The following METTL14 variants were observed in gnomAD, a reference collection of about 807,000 sequenced individuals.
METTL14 encodes methyltransferase 14, N6-adenosine-methyltransferase non-catalytic subunit.
METTL14 carries 32 observed loss-of-function variants against 62.4 expected under a neutral mutation model. The observed-to-expected ratio is 0.51, with a 90% confidence interval of 0.39 to 0.69. The LOEUF (loss-of-function observed/expected upper bound fraction) is 0.69, where lower values mean the gene tolerates loss of function less well. Among genes scored for constraint, METTL14 ranks in the 30% least tolerant of loss-of-function variants. The pLI is 0.00. For missense variants in METTL14, 340 were observed against 551.9 expected, an observed-to-expected ratio of 0.62 and a Z score of 3.85; for synonymous variants, 150 against 180.0, an observed-to-expected ratio of 0.83 and a Z score of 1.34.
intron 2 of METTL14, among the ~76,000 whole-genome samples, chr4:118,688,618 C>T (rs1006822943): frequency 5.9e-5 from 9 of 152,110 alleles, no homozygotes; most frequent in African/African-American, 1.9e-4. Context: ...TTGTAAAGTA[C>T]TTAGAAAATG....
chr4:118,697,149 A>C, intron 6 of METTL14, 33 bp from the exon 7 acceptor site: 1 of 1,533,906 alleles, frequency 6.5e-7, no homozygotes, highest in East Asian at 2.3e-5. Flanking sequence ...GCATTTTTTT[A>C]AAAACCTCAT....
intron 7 of METTL14, among the ~76,000 whole-genome samples, chr4:118,699,834 T>C (rs1004244620): frequency 3.9e-5 from 6 of 152,194 alleles, no homozygotes; most frequent in Non-Finnish European, 8.8e-5. Context: ...CTAAGTTCTT[T>C]AACTTTTATG....
chr4:118,688,121 G>T, intron 2 of METTL14, 110 bp downstream of exon 2: 1 of 841,670 alleles, frequency 1.2e-6, no homozygotes, highest in South Asian at 1.8e-5. Context: ...CTGCAGCCTT[G>T]ACTCCTGGGC....
chr4:118,697,211 A>T lies in METTL14; in HGVS notation c.533A>T (p.Asp178Val). The T allele has an allele frequency of 6.2e-7, 1 of 1,610,686 alleles. No homozygotes were observed. The highest frequency in any genetic ancestry group is 8.5e-7 in the Non-Finnish European group (1 of 1,178,732). ...MYLQADIEAF[D>V]IRELTPKFDV... ...TTACAAGCCGATATAGAAGCCTTTG[A>T]CATCAGAGAACTAACACCCAAATTT... The change falls in exon 7 of 11, where the codon GAC becomes GTC. Residue 178 changes from aspartate (D) to valine (V), a missense_variant. Coordinates refer to ENST00000388822, the MANE Select transcript of METTL14 (RefSeq NM_020961.4).
At chr4:118,696,565 C>T (rs530828067) in intron 6 of METTL14, among the ~76,000 whole-genome samples, 12 of 152,018 alleles carry the variant, frequency 7.9e-5, no homozygotes, top group Admixed American at 3.3e-4. Flanking sequence ...AACAAACAAA[C>T]GAAAACCCAT....
At chr4:118,687,401 G>C (rs1192397311) in intron 1 of METTL14, among the ~76,000 whole-genome samples, 1 of 152,118 alleles carries the variant, frequency 6.6e-6, no homozygotes, top group Non-Finnish European at 1.5e-5. Flanking sequence ...CGTGTGTATT[G>C]CTTCACAGGA....
chr4:118,687,696 A>G (rs983277950), intron 1 of METTL14, among the ~76,000 whole-genome samples: 7 of 152,306 alleles, frequency 4.6e-5, no homozygotes, highest in Admixed American at 3.3e-4. Flanking sequence ...TGAAAGCATA[A>G]AATGTTTTGC....
At chr4:118,702,290 G>C (rs1321291220) in intron 8 of METTL14, among the ~76,000 whole-genome samples, 1 of 151,530 alleles carries the variant, frequency 6.6e-6, no homozygotes, top group East Asian at 1.9e-4. Flanking sequence ...TAATGTAGCA[G>C]TTTATCATAC....
chr4:118,688,115 A>T, intron 2 of METTL14, 104 bp downstream of exon 2: 1 of 886,994 alleles, frequency 1.1e-6, no homozygotes. Flanking sequence ...GGCTCACTGC[A>T]GCCTTGACTC....
chr4:118,688,106 G>A, intron 2 of METTL14, 95 bp downstream of exon 2: 1 of 963,706 alleles, frequency 1.0e-6, no homozygotes, highest in Non-Finnish European at 1.6e-6. Flanking sequence ...CATGATTATG[G>A]CTCACTGCAG....
chr4:118,705,508 C>G (rs775463561), intron 9 of METTL14, 103 bp from the exon 10 acceptor site: 16 of 950,538 alleles, frequency 1.7e-5, no homozygotes, highest in Non-Finnish European at 2.5e-5. Flanking sequence ...CCAAAGATTC[C>G]GAGAAATGAG....
intron 8 of METTL14, 49 bp downstream of exon 8, chr4:118,700,691 AT>A: frequency 7.7e-7 from 1 of 1,295,346 alleles, no homozygotes; most frequent in Non-Finnish European, 1.1e-6. Flanking sequence ...TAAGAAAAAA[AT>A]GTAACAGTAT....
At chr4:118,699,796 C>T (rs12648682) in intron 7 of METTL14, among the ~76,000 whole-genome samples, 45,603 of 152,012 alleles carry the variant, frequency 0.3, 7,504 homozygotes, top group Non-Finnish European at 0.37. Context: ...GGCTGGCATA[C>T]TGAAAAATTT....
intron 9 of METTL14, among the ~76,000 whole-genome samples, chr4:118,705,365 C>G (rs975381737): frequency 6.6e-6 from 1 of 152,028 alleles, no homozygotes; most frequent in Non-Finnish European, 1.5e-5. Flanking sequence ...GTCCCAGCTA[C>G]TTGGGAGGCT....
intron 5 of METTL14, among the ~76,000 whole-genome samples, chr4:118,694,028 A>G (rs1020815787): frequency 2.0e-5 from 3 of 151,644 alleles, no homozygotes; most frequent in Non-Finnish European, 4.4e-5. Flanking sequence ...CCAAGAAATT[A>G]AGTAAAAATC....
chr4:118,702,782 A>G (rs1375203101), intron 8 of METTL14, among the ~76,000 whole-genome samples: 1 of 151,920 alleles, frequency 6.6e-6, no homozygotes. Flanking sequence ...AATAAAATAA[A>G]ATAAAATTCT....
At chr4:118,700,663 A>G in intron 8 of METTL14, 21 bp downstream of exon 8, 1 of 1,547,704 alleles carries the variant, frequency 6.5e-7, no homozygotes, top group Non-Finnish European at 8.8e-7. Context: ...GCTTTTATAA[A>G]GTGGATTTTT....
At chr4:118,689,242 GTAGA>G (rs1724168712) in intron 2 of METTL14, 124 bp from the exon 3 acceptor site, 4 of 493,244 alleles carry the variant, frequency 8.1e-6, no homozygotes, top group Admixed American at 3.8e-5. Flanking sequence ...TATAAACTGC[GTAGA>G]TAGATATTCT....
chr4:118,711,716 T>C lies in METTL14; in HGVS notation c.*1414T>C, dbSNP rs991086590. 3 of 147,608 alleles carry C rather than the reference T, an allele frequency of 2.0e-5. No individual in the cohort carries two copies. The highest frequency in any genetic ancestry group is 6.7e-5 in the Admixed American group (1 of 15,022). The allele number at this position is 147,608 out of a possible 1,614,324, so 9.1% of individuals were successfully genotyped here. A position where few individuals can be genotyped will look rare whatever the true frequency, so the allele number is the denominator to read the frequency against. ...TTAGTACTATCTAGTACAAGACCCC[T>C]TTTTTTTTGCTGAAATTATGGTATA... On this transcript the variant is annotated 3_prime_UTR_variant, in exon 11 of 11. Coordinates refer to ENST00000388822, the MANE Select transcript of METTL14 (RefSeq NM_020961.4).
Sources: allele counts gnomAD v4.1 joint callset (sites outside exome capture counted in the v4.1 genomes callset), GRCh38; gene constraint gnomAD v4.1.1; transcripts MANE v1.5; gene names NCBI Gene and HGNC (gene_info 2026-07-23, HGNC 2026-07-21).